The following SCAI variants were observed in gnomAD, a reference collection of about 807,000 sequenced individuals.
SCAI encodes protein SCAI.
Under a neutral mutation model 92.2 loss-of-function variants are expected in SCAI, and 24 were observed. The observed-to-expected ratio is 0.26, with a 90% CI of 0.19 to 0.37. The LOEUF (loss-of-function observed/expected upper bound fraction) is 0.37. SCAI is among the 10% of genes least tolerant of loss of function. The pLI, the probability that SCAI is intolerant of heterozygous loss-of-function variation, is 1.00. For missense variants in SCAI, 450 were observed against 736.2 expected (o/e 0.61, Z 4.50); for synonymous variants, 261 against 258.6 (o/e 1.01, Z -0.09).
intron 9 of SCAI, among the ~76,000 whole-genome samples, chr9:125,014,440 A>G (rs1254096733): frequency 2.0e-5 from 3 of 152,192 alleles, no homozygotes; most frequent in Admixed American, 2.0e-4. Context: ...AATTGCTTCA[A>G]AGAGAATAAA....
rs747890296 is a variant in SCAI, at chr9:125,143,387, G to A, written c.51C>T (p.Pro17=). ...QPQQPRSRLA[P]RLTGTVEKPP... is the part of the protein sequence containing the mutation. The stretch of plus-strand genomic sequence containing the variant: ...CGGCCTCCACCCAGCCCCCGCACCT[G>A]GGGGCCAGGCGACTCCGCGGCTGCT... The change falls in exon 1 of 18, where the codon CCC becomes CCT. Residue 17 remains proline, a splice_region_variant and synonymous_variant. Transcript: ENST00000336505. 6 of 1,376,808 alleles carry A rather than the reference G, an allele frequency of 4.4e-6. No individual in the cohort carries two copies. The highest frequency in any genetic ancestry group is 1.6e-5 in the South Asian group (1 of 61,630). The allele number at this position is 1,376,808 out of a possible 1,614,324, so 85.3% of individuals were successfully genotyped here.
At chr9:124,962,408 G>T (rs973083009) in intron 17 of SCAI, among the ~76,000 whole-genome samples, 1 of 152,036 alleles carries the variant, frequency 6.6e-6, no homozygotes, top group Non-Finnish European at 1.5e-5. Context: ...TGACCAACCC[G>T]CTGTGGCCTG....
At chr9:125,139,947 C>G (rs920264258) in intron 2 of SCAI, among the ~76,000 whole-genome samples, 3 of 152,204 alleles carry the variant, frequency 2.0e-5, no homozygotes, top group Non-Finnish European at 4.4e-5. Flanking sequence ...AAAAGAAAGG[C>G]TGGGTATGGT....
At chr9:125,022,796 G>C (rs943742980) in intron 6 of SCAI, among the ~76,000 whole-genome samples, 3 of 152,064 alleles carry the variant, frequency 2.0e-5, no homozygotes, top group African/African-American at 7.2e-5. Context: ...TAACAGGGAA[G>C]TTTAGATCAT....
At chr9:125,024,315 C>T (rs1234609094) in intron 6 of SCAI, among the ~76,000 whole-genome samples, 2 of 141,790 alleles carry the variant, frequency 1.4e-5, no homozygotes, top group African/African-American at 5.3e-5. Flanking sequence ...CTCACTTTGT[C>T]ACCCAGGCTG....
At chr9:125,012,769 A>G (rs1276508528) in intron 9 of SCAI, among the ~76,000 whole-genome samples, 6 of 152,224 alleles carry the variant, frequency 3.9e-5, no homozygotes, top group Admixed American at 6.5e-5. Flanking sequence ...AATTGACCAC[A>G]TAGTTGGAAG....
chr9:125,141,179 T>C (rs761361482), intron 2 of SCAI, among the ~76,000 whole-genome samples: 1 of 152,190 alleles, frequency 6.6e-6, no homozygotes, highest in African/African-American at 2.4e-5. Context: ...AATTAAAAAT[T>C]TAGTTCCTCA....
Position 124,951,059 on chromosome 9 carries a change from TAAA to T in SCAI, c.*1745_*1747del, listed in dbSNP as rs55938057. 0.021 allele frequency: 2,413 copies of T among 116,578 alleles called. 69 individuals carry two copies. The highest frequency in any genetic ancestry group is 0.066 in the African/African-American group (2,079 of 31,628). 7.2% of individuals were successfully genotyped at this position (116,578 alleles called of 1,614,324 possible). On this transcript the variant is annotated 3_prime_UTR_variant, in exon 18 of 18. Transcript: ENST00000336505. ...GGCAACAAAGCAAGACTCTGTCTCT[TAAA>T]AAAAAAAAAAAAAAAAAGTAAAATA... is the stretch of plus-strand genomic sequence containing the variant.
At chr9:125,026,600 G>C (rs953453880) in intron 6 of SCAI, among the ~76,000 whole-genome samples, 69 of 152,042 alleles carry the variant, frequency 4.5e-4, no homozygotes, top group African/African-American at 1.6e-3. Flanking sequence ...CCCTCCTTTG[G>C]CATTGTGACA....
intron 2 of SCAI, among the ~76,000 whole-genome samples, chr9:125,133,743 CA>C (rs142040487): frequency 3.4e-5 from 5 of 145,856 alleles, no homozygotes; most frequent in Non-Finnish European, 4.5e-5. Flanking sequence ...GTTCAAAAAA[CA>C]AAAAAAAAAG....
chr9:125,092,345 T>A (rs919434187), intron 2 of SCAI, among the ~76,000 whole-genome samples: 1 of 151,746 alleles, frequency 6.6e-6, no homozygotes, highest in South Asian at 2.1e-4. Context: ...GCCAGTTACT[T>A]GGGAGGCTGA....
chr9:125,109,611 C>T (rs1183688430), intron 2 of SCAI, among the ~76,000 whole-genome samples: 1 of 152,102 alleles, frequency 6.6e-6, no homozygotes, highest in Non-Finnish European at 1.5e-5. Context: ...TGACAAAGCC[C>T]AAATGAACTA....
intron 3 of SCAI, among the ~76,000 whole-genome samples, chr9:125,052,860 A>T (rs1243414030): frequency 8.1e-6 from 1 of 122,720 alleles, no homozygotes; most frequent in Non-Finnish European, 1.8e-5. Context: ...GGGAAATTCA[A>T]ATCAAAACCA....
At chr9:125,052,470 G>C (rs868758573) in intron 3 of SCAI, among the ~76,000 whole-genome samples, 16 of 151,892 alleles carry the variant, frequency 1.1e-4, no homozygotes, top group Admixed American at 2.0e-4. Flanking sequence ...ACTCGGGGTA[G>C]GGGGGCGGTG....
chr9:125,032,229 G>C (rs1833092062), intron 3 of SCAI, among the ~76,000 whole-genome samples: 2 of 118,934 alleles, frequency 1.7e-5, no homozygotes, highest in African/African-American at 6.8e-5. Flanking sequence ...GTCTCTATCT[G>C]TCACCAGGCT....
chr9:125,105,944 A>G (rs1452913396), intron 2 of SCAI, among the ~76,000 whole-genome samples: 1 of 150,416 alleles, frequency 6.6e-6, no homozygotes, highest in Non-Finnish European at 1.5e-5. Flanking sequence ...TAAAAATACA[A>G]AAATTAGCTG....
At chr9:124,986,989 T>C (rs1484115662) in intron 14 of SCAI, among the ~76,000 whole-genome samples, 2 of 152,226 alleles carry the variant, frequency 1.3e-5, no homozygotes, top group African/African-American at 2.4e-5. Context: ...AAAAGGATTT[T>C]CTTCTTCCAG....
At chr9:125,009,322 T>C (rs1832580436) in intron 9 of SCAI, among the ~76,000 whole-genome samples, 1 of 152,220 alleles carries the variant, frequency 6.6e-6, no homozygotes, top group South Asian at 2.1e-4. Context: ...CAGGCTGCAG[T>C]GCAGCGGTGC....
At chr9:125,080,854 C>G (rs565740474) in intron 2 of SCAI, among the ~76,000 whole-genome samples, 8 of 152,314 alleles carry the variant, frequency 5.3e-5, no homozygotes, top group African/African-American at 1.9e-4. Flanking sequence ...CTTGAATTCC[C>G]ACGTGTTGTG....
Sources: gnomAD v4.1 joint callset for allele counts (sites outside exome capture counted in the v4.1 genomes callset) on GRCh38, gnomAD v4.1.1 for gene constraint, MANE v1.5 for transcripts, NCBI Gene and HGNC (gene_info 2026-07-23, HGNC 2026-07-21) for gene names.